Variants in AP3B1 observed in about 807,000 individuals in gnomAD.
The protein encoded by AP3B1 is AP-3 complex subunit beta-1.
Under a neutral mutation model 132.5 loss-of-function variants are expected in AP3B1, and 61 were observed. That is an observed-to-expected ratio of 0.46 (90% confidence interval 0.37 to 0.57). AP3B1 has a LOEUF of 0.57. Ranked by LOEUF, AP3B1 falls within the 20% of genes least tolerant of loss-of-function variation. The probability of loss-of-function intolerance (pLI) is 0.00; values close to 1 mark genes in which losing one functional copy is unlikely to be tolerated. For missense variants in AP3B1, 1,120 were observed against 1,289.4 expected, an observed-to-expected ratio of 0.87 and a Z score of 2.01; for synonymous variants, 388 against 438.3, an observed-to-expected ratio of 0.89 and a Z score of 1.43.
intron 2 of AP3B1, among the ~76,000 whole-genome samples, chr5:78,266,115 T>C (rs1748311750): frequency 6.6e-6 from 1 of 152,196 alleles, no homozygotes; most frequent in Non-Finnish European, 1.5e-5. Flanking sequence ...ACAAGTTATT[T>C]GTAGAATGAA....
At chr5:78,097,039 C>A (rs564113310) in intron 21 of AP3B1, among the ~76,000 whole-genome samples, 2,586 of 125,380 alleles carry the variant, frequency 0.021, 91 homozygotes, top group African/African-American at 0.091. Context: ...GCCCGGCCAG[C>A]CGCCCCGTCC....
At chr5:78,103,650 A>C (rs1021641523) in intron 20 of AP3B1, among the ~76,000 whole-genome samples, 6 of 152,132 alleles carry the variant, frequency 3.9e-5, no homozygotes, top group African/African-American at 1.4e-4. Context: ...TTAGACTTTT[A>C]TAAGGACAAC....
At chr5:78,291,241 G>C (rs1204583477) in intron 1 of AP3B1, among the ~76,000 whole-genome samples, 1 of 151,984 alleles carries the variant, frequency 6.6e-6, no homozygotes, top group African/African-American at 2.4e-5. Flanking sequence ...CAGAGCTCTA[G>C]GCCAAGAAGC....
chr5:78,119,425 T>C (rs920043155), intron 17 of AP3B1, among the ~76,000 whole-genome samples: 2 of 151,782 alleles, frequency 1.3e-5, no homozygotes, highest in East Asian at 3.9e-4. Context: ...CAATGGCAAA[T>C]AAGTTAAAAA....
At chr5:78,220,277 A>G (rs1381355478) in intron 6 of AP3B1, among the ~76,000 whole-genome samples, 1 of 151,574 alleles carries the variant, frequency 6.6e-6, no homozygotes, top group Non-Finnish European at 1.5e-5. Context: ...AGAGAAGTTG[A>G]TGATGCCTAA....
At chr5:78,036,577 C>T (rs1225616588) in intron 23 of AP3B1, among the ~76,000 whole-genome samples, 1 of 151,970 alleles carries the variant, frequency 6.6e-6, no homozygotes, top group Non-Finnish European at 1.5e-5. Context: ...TTAACCTATT[C>T]TTTGTGTCTT....
chr5:78,160,842 G>A (rs562041365), intron 13 of AP3B1, among the ~76,000 whole-genome samples: 2 of 151,894 alleles, frequency 1.3e-5, no homozygotes, highest in East Asian at 1.9e-4. Flanking sequence ...CTCCTTATTT[G>A]TTTTACCTCT....
intron 21 of AP3B1, 28 bp downstream of exon 21, chr5:78,100,925 A>T (rs1751096001): frequency 7.4e-7 from 1 of 1,343,302 alleles, no homozygotes; most frequent in Non-Finnish European, 1.1e-6. Flanking sequence ...CTAAACACAG[A>T]AGAAATATTT....
intron 11 of AP3B1, among the ~76,000 whole-genome samples, chr5:78,173,097 T>C (rs574406881): frequency 6.6e-6 from 1 of 152,368 alleles, no homozygotes; most frequent in East Asian, 1.9e-4. Context: ...GCCTGAGTTC[T>C]AAATTTGATT....
At chr5:78,139,663 T>G (rs1753061696) in intron 15 of AP3B1, among the ~76,000 whole-genome samples, 2 of 152,278 alleles carry the variant, frequency 1.3e-5, no homozygotes, top group South Asian at 4.2e-4. Context: ...GAAATGAATT[T>G]GAGGAATCGA....
chr5:78,165,812 T>A, intron 11 of AP3B1, 140 bp from the exon 12 acceptor site: 1 of 714,926 alleles, frequency 1.4e-6, no homozygotes, highest in Non-Finnish European at 2.5e-6. Context: ...CTCATGCCTG[T>A]AATCCCAGCA....
At chr5:78,247,872 C>T (rs531919247) in intron 2 of AP3B1, among the ~76,000 whole-genome samples, 32 of 152,146 alleles carry the variant, frequency 2.1e-4, no homozygotes, top group African/African-American at 7.0e-4. Flanking sequence ...TTTTAGTATC[C>T]GTTTCCTGTT....
At chr5:78,080,623 A>ATTTTTTTTTTT (rs66609184) in intron 22 of AP3B1, among the ~76,000 whole-genome samples, 2 of 103,528 alleles carry the variant, frequency 1.9e-5, no homozygotes, top group African/African-American at 7.5e-5. Context: ...TATGCCTCCA[A>ATTTTTTTTTTT]TTTTTTTTTT....
chr5:78,225,117 T>C (rs867191020), intron 6 of AP3B1, among the ~76,000 whole-genome samples: 3 of 152,096 alleles, frequency 2.0e-5, no homozygotes, highest in African/African-American at 7.2e-5. Flanking sequence ...GCATAGATAG[T>C]ACATACTCCC....
chr5:78,034,444 G>C lies in AP3B1; in HGVS notation c.2811C>G (p.Asp937Glu). 6.2e-7 allele frequency: 1 copy of C among 1,605,444 alleles called. No homozygotes were observed. Among genetic ancestry groups the C allele is most frequent in the African/African-American group, 1.3e-5 (1 of 74,836 alleles). The change falls in exon 24 of 27, where the codon GAC becomes GAG. Residue 937 changes from aspartate (D) to glutamate (E), a missense_variant and splice_region_variant. This residue lies in a region of AP3B1 where 906 missense variants were observed against 997.1 expected (regional missense o/e 0.91). Coordinates refer to ENST00000255194, the MANE Select transcript of AP3B1 (RefSeq NM_003664.5). ...GMKMHVFNPI[D>E]SLEPEGSITV... ...TAATGGATCCCTCAGGCTCAAGAGA[G>C]TCTAGGAAATAAGATAATTTAGACA...
At chr5:78,256,923 T>C (rs1437821568) in intron 2 of AP3B1, among the ~76,000 whole-genome samples, 1 of 152,140 alleles carries the variant, frequency 6.6e-6, no homozygotes, top group African/African-American at 2.4e-5. Context: ...AAAAACCATA[T>C]GATCATTTCA....
chr5:78,025,491 C>A (rs190037011), intron 24 of AP3B1, among the ~76,000 whole-genome samples: 16 of 152,216 alleles, frequency 1.1e-4, no homozygotes, highest in African/African-American at 3.6e-4. Flanking sequence ...ATCAAGTGAC[C>A]CAGTTATGAC....
At position 78,070,301 on chromosome 5, in the gene AP3B1, G is replaced by A. The variant is rs961606097; in HGVS notation, c.2577+19092C>T. On this transcript the variant is annotated intron_variant, in intron 22 of 26. Coordinates refer to ENST00000255194, the MANE Select transcript of AP3B1 (RefSeq NM_003664.5). ...GCACACCTGTAATCCCAGATACTTG[G>A]GAGGCTGAGGCAGGAGAATTGCTTG... 2.0e-5 allele frequency among the ~76,000 whole-genome samples: 3 copies of A among 151,898 alleles called. No individual in the cohort carries two copies. The South Asian group carries it at 6.2e-4, about 32-fold the overall frequency.
At chr5:78,052,787 A>C (rs1206411457) in intron 22 of AP3B1, among the ~76,000 whole-genome samples, 1 of 152,230 alleles carries the variant, frequency 6.6e-6, no homozygotes, top group African/African-American at 2.4e-5. Flanking sequence ...ATATATCTGA[A>C]AGCCAGAATA....
Sources: allele counts gnomAD v4.1 joint callset (sites outside exome capture counted in the v4.1 genomes callset), GRCh38; gene constraint gnomAD v4.1.1; regional missense constraint gnomAD v4.1.1; transcripts MANE v1.5; gene names NCBI Gene and HGNC (gene_info 2026-07-23, HGNC 2026-07-21).